Variants in B3GALT1 observed in about 807,000 individuals in gnomAD.
B3GALT1 encodes the protein beta-1,3-galactosyltransferase 1, also known as UDP-Gal:betaGlcNAc beta 1,3-galactosyltransferase, polypeptide 1.
B3GALT1 carries 10 observed loss-of-function variants against 23.2 expected under a neutral mutation model. The observed-to-expected ratio is 0.43, with a 90% CI of 0.27 to 0.73. The LOEUF (loss-of-function observed/expected upper bound fraction) is 0.73, where lower values mean the gene tolerates loss of function less well. B3GALT1 is among the 30% of genes least tolerant of loss of function. B3GALT1 has a pLI of 0.21. For synonymous variants in B3GALT1, 156 were observed against 141.5 expected, an observed-to-expected ratio of 1.10 and a Z score of -0.73; for missense variants, 299 against 405.4, an observed-to-expected ratio of 0.74 and a Z score of 2.25.
intron 1 of B3GALT1, among the ~76,000 whole-genome samples, chr2:167,333,951 T>A (rs551249475): frequency 5.3e-5 from 8 of 152,198 alleles, no homozygotes; most frequent in Non-Finnish European, 1.0e-4. Flanking sequence ...AATCTTTGCA[T>A]TTTGAGAACT....
At chr2:167,526,906 A>G (rs1028466046) in intron 2 of B3GALT1, among the ~76,000 whole-genome samples, 1 of 151,418 alleles carries the variant, frequency 6.6e-6, no homozygotes, top group African/African-American at 2.4e-5. Flanking sequence ...TCCTTTCAGA[A>G]TTTTTTCTAT....
chr2:167,724,014 T>G (rs1479006436), intron 3 of B3GALT1, among the ~76,000 whole-genome samples: 1 of 152,196 alleles, frequency 6.6e-6, no homozygotes, highest in African/African-American at 2.4e-5. Flanking sequence ...TTGATACATC[T>G]AAGTGATGAA....
chr2:167,321,983 T>A (rs1471991750), intron 1 of B3GALT1, among the ~76,000 whole-genome samples: 2 of 152,066 alleles, frequency 1.3e-5, no homozygotes, highest in Non-Finnish European at 2.9e-5. Context: ...AATTTTTCAA[T>A]GTTAAAATTT....
intron 3 of B3GALT1, among the ~76,000 whole-genome samples, chr2:167,781,282 G>A (rs1298406874): frequency 3.3e-5 from 5 of 151,788 alleles, no homozygotes; most frequent in Non-Finnish European, 5.9e-5. Context: ...ACCATTTTTT[G>A]GATCCAGCAC....
In B3GALT1 at chr2:167,434,336, T is replaced by C. The variant is rs77509948; in HGVS notation, c.-510-55841T>C. Among the ~76,000 whole-genome samples, 113 of 152,220 alleles carry C rather than the reference T, an allele frequency of 7.4e-4. 1 individual carries two copies. In the East Asian group the frequency reaches 0.018, roughly 25 times the overall value. On this transcript the variant is annotated intron_variant, in intron 1 of 4. Transcript: ENST00000392690. ...AGAAATTTTCAGATATATACAAAAG[T>C]AGGAAGACTTCCACATCAACCTAAA... is the stretch of plus-strand genomic sequence containing the variant.
At chr2:167,331,472 G>T (rs533544274) in intron 1 of B3GALT1, among the ~76,000 whole-genome samples, 32 of 152,178 alleles carry the variant, frequency 2.1e-4, no homozygotes, top group Non-Finnish European at 3.5e-4. Context: ...GTCCATGCTG[G>T]TGTTGGCAGT....
chr2:167,769,804 A>G (rs1688041948), intron 3 of B3GALT1, among the ~76,000 whole-genome samples: 2 of 152,196 alleles, frequency 1.3e-5, no homozygotes, highest in Non-Finnish European at 2.9e-5. Flanking sequence ...TTATTTATCT[A>G]TTCCTCAGCT....
Position 167,870,008 on chromosome 2 carries a change from T to C in B3GALT1, c.969T>C (p.His323=). 4 of 1,595,460 alleles carry C rather than the reference T, an allele frequency of 2.5e-6. No homozygotes were observed. The highest frequency in any genetic ancestry group is 3.4e-6 in the Non-Finnish European group (4 of 1,167,516). The part of the protein sequence containing the change: ...RIWNDMSSKK[H]LRC ...GGAATGACATGTCAAGCAAGAAACATCTCAGATGTTAGGATTTTTACCAAT... is the reference window on the plus strand; with the variant it reads ...GGAATGACATGTCAAGCAAGAAACACCTCAGATGTTAGGATTTTTACCAAT... The change falls in exon 5 of 5, where the codon CAT becomes CAC. Residue 323 remains histidine, a synonymous_variant. Coordinates refer to ENST00000392690, the MANE Select transcript of B3GALT1 (RefSeq NM_020981.4).
At chr2:167,794,648 A>G (rs1688511821) in intron 3 of B3GALT1, among the ~76,000 whole-genome samples, 2 of 152,208 alleles carry the variant, frequency 1.3e-5, no homozygotes, top group Admixed American at 1.3e-4. Context: ...AGCCCCTTTG[A>G]TGTAATAGAA....
At chr2:167,503,694 A>G (rs1273950673) in intron 2 of B3GALT1, among the ~76,000 whole-genome samples, 1 of 152,116 alleles carries the variant, frequency 6.6e-6, no homozygotes. Context: ...TTCATTCTTC[A>G]TATCAGCACT....
At chr2:167,758,953 G>T (rs931276998) in intron 3 of B3GALT1, among the ~76,000 whole-genome samples, 1 of 152,076 alleles carries the variant, frequency 6.6e-6, no homozygotes, top group African/African-American at 2.4e-5. Context: ...CCTCAGCCTC[G>T]CAGCACCTTT....
At chr2:167,328,008 G>A (rs1181320768) in intron 1 of B3GALT1, among the ~76,000 whole-genome samples, 1 of 152,200 alleles carries the variant, frequency 6.6e-6, no homozygotes, top group African/African-American at 2.4e-5. Context: ...TTCTGGTGAT[G>A]TGATGTATTA....
intron 3 of B3GALT1, among the ~76,000 whole-genome samples, chr2:167,744,155 T>TC (rs1379014112): frequency 6.6e-6 from 1 of 152,178 alleles, no homozygotes; most frequent in East Asian, 1.9e-4. Flanking sequence ...ACTATGTGAA[T>TC]AATTTTTTAA....
intron 2 of B3GALT1, among the ~76,000 whole-genome samples, chr2:167,558,525 G>A (rs1683897358): frequency 6.6e-6 from 1 of 152,228 alleles, no homozygotes; most frequent in South Asian, 2.1e-4. Context: ...TCCAGAAGCA[G>A]AAGGGGTCAG....
At chr2:167,377,336 T>C (rs772794971) in intron 1 of B3GALT1, among the ~76,000 whole-genome samples, 4 of 152,114 alleles carry the variant, frequency 2.6e-5, no homozygotes, top group Non-Finnish European at 2.9e-5. Flanking sequence ...ATTCTGTAGA[T>C]GTCTGTTAAG....
intron 3 of B3GALT1, among the ~76,000 whole-genome samples, chr2:167,786,121 G>C (rs895045940): frequency 6.6e-6 from 1 of 152,108 alleles, no homozygotes; most frequent in Non-Finnish European, 1.5e-5. Flanking sequence ...AATTTGGATC[G>C]GCTTTGAAAT....
At chr2:167,429,461 T>G (rs570774210) in intron 1 of B3GALT1, among the ~76,000 whole-genome samples, 1 of 152,192 alleles carries the variant, frequency 6.6e-6, no homozygotes, top group Non-Finnish European at 1.5e-5. Flanking sequence ...AACACTCTAA[T>G]GTCCAAAAGA....
intron 2 of B3GALT1, among the ~76,000 whole-genome samples, chr2:167,508,229 GTTTC>G (rs936772056): frequency 4.0e-4 from 60 of 148,486 alleles, no homozygotes; most frequent in African/African-American, 1.4e-3. Context: ...CTTCACAGAT[GTTTC>G]TTTCTTTCTT....
At chr2:167,557,590 G>A (rs563776758) in intron 2 of B3GALT1, among the ~76,000 whole-genome samples, 182 of 152,262 alleles carry the variant, frequency 1.2e-3, no homozygotes, top group African/African-American at 4.2e-3. Context: ...AGAGAACCCT[G>A]TGTGCATTCC....
Sources: allele counts gnomAD v4.1 joint callset (sites outside exome capture counted in the v4.1 genomes callset), GRCh38; gene constraint gnomAD v4.1.1; transcripts MANE v1.5; gene names NCBI Gene and HGNC (gene_info 2026-07-23, HGNC 2026-07-21).